Variants in ADAMTSL1 observed in about 807,000 individuals in gnomAD.
ADAMTSL1 encodes ADAMTS like 1, also known as ADAMTS-like protein 1.
Under a neutral mutation model 201.8 loss-of-function variants are expected in ADAMTSL1, and 126 were observed. The observed-to-expected ratio is 0.62, with a 90% CI of 0.54 to 0.72. The LOEUF (loss-of-function observed/expected upper bound fraction) is 0.72, where lower values mean the gene tolerates loss of function less well. ADAMTSL1 is among the 30% of genes least tolerant of loss of function. The probability of loss-of-function intolerance (pLI) is 0.00; values close to 1 mark genes in which losing one functional copy is unlikely to be tolerated. For missense variants in ADAMTSL1, 2,679 were observed against 2,277.8 expected (o/e 1.18, Z -3.59); for synonymous variants, 1,121 against 903.4 (o/e 1.24, Z -4.32).
chr9:18,062,456 G>C (rs2131703379), intron 1 of ADAMTSL1, among the ~76,000 whole-genome samples: 1 of 152,172 alleles, frequency 6.6e-6, no homozygotes, highest in East Asian at 1.9e-4. Flanking sequence ...ATGCATATGA[G>C]TGAAATTATA....
At chr9:18,121,447 T>C (rs1825493470) in intron 1 of ADAMTSL1, among the ~76,000 whole-genome samples, 1 of 152,200 alleles carries the variant, frequency 6.6e-6, no homozygotes. Context: ...AGGGGAAGCC[T>C]TGAAGTAAAG....
chr9:18,896,605 C>T (rs1829652717), intron 26 of ADAMTSL1, among the ~76,000 whole-genome samples: 1 of 152,206 alleles, frequency 6.6e-6, no homozygotes, highest in African/African-American at 2.4e-5. Flanking sequence ...GGGTAGGCCA[C>T]TGGCCCACCT....
At chr9:18,127,377 C>T (rs571362234) in intron 1 of ADAMTSL1, among the ~76,000 whole-genome samples, 4 of 151,932 alleles carry the variant, frequency 2.6e-5, no homozygotes, top group Non-Finnish European at 5.9e-5. Flanking sequence ...TGTGGGCATA[C>T]GTGAATGGAG....
chr9:18,533,145 A>C (rs1414797768), intron 2 of ADAMTSL1, 102 bp from the exon 3 acceptor site: 11 of 782,914 alleles, frequency 1.4e-5, no homozygotes, highest in Admixed American at 2.6e-5. Context: ...AAGAAAAGAG[A>C]GGCCCTTTTA....
chr9:18,706,812 T>C lies in ADAMTSL1; in HGVS notation c.1640T>C (p.Val547Ala). Residue 547 changes from valine to alanine, a missense_variant, in exon 14 of 29, where the codon GTC (valine) becomes GCC (alanine). Transcript: ENST00000380548. ...GGTGTGGGGACCCAGGTGCGAATAG[T>C]CAGGTGCCAGGTGCTCCTGTCTTTC... ...TCGVGTQVRI[V>A]RCQVLLSFSQ... is the part of the protein sequence containing the mutation. 2 of 1,610,330 alleles carry C rather than the reference T, an allele frequency of 1.2e-6. No individual in the cohort carries two copies. Among genetic ancestry groups the C allele is most frequent in the Non-Finnish European group, 1.7e-6 (2 of 1,178,204 alleles).
At chr9:18,032,935 C>T (rs749647324) in intron 1 of ADAMTSL1, among the ~76,000 whole-genome samples, 55 of 152,118 alleles carry the variant, frequency 3.6e-4, no homozygotes, top group Non-Finnish European at 5.3e-4. Context: ...GTGTCTGCAT[C>T]ACCTCTCTAT....
chr9:18,615,819 T>C lies in ADAMTSL1; in HGVS notation c.475-6424T>C, dbSNP rs530697367. 3.0e-4 allele frequency among the ~76,000 whole-genome samples: 46 copies of C among 152,292 alleles called. 1 individual carries two copies. In the South Asian group the frequency reaches 9.5e-3, roughly 32 times the overall value. On this transcript the variant is annotated intron_variant, in intron 4 of 28. Transcript: ENST00000380548. ...TGGATTCGGCTTCTAGAGCCCAGTGTCTTTACGAATCTGGAGCCACATAAA... is the reference window on the plus strand; with the variant it reads ...TGGATTCGGCTTCTAGAGCCCAGTGCCTTTACGAATCTGGAGCCACATAAA...
intron 1 of ADAMTSL1, among the ~76,000 whole-genome samples, chr9:17,996,729 T>G (rs1270438902): frequency 2.6e-5 from 4 of 152,076 alleles, no homozygotes; most frequent in Admixed American, 2.6e-4. Flanking sequence ...TTTATCCTTC[T>G]TCTAGATCTT....
At chr9:18,548,439 T>C (rs1469108528) in intron 3 of ADAMTSL1, among the ~76,000 whole-genome samples, 1 of 152,002 alleles carries the variant, frequency 6.6e-6, no homozygotes, top group Non-Finnish European at 1.5e-5. Context: ...ATGTGCCTTA[T>C]GGAGAAAATG....
At chr9:18,387,606 T>A (rs1033170725) in intron 2 of ADAMTSL1, among the ~76,000 whole-genome samples, 5 of 152,202 alleles carry the variant, frequency 3.3e-5, no homozygotes, top group Non-Finnish European at 7.3e-5. Flanking sequence ...TTGAGATTTA[T>A]CCTTATTTAC....
intron 23 of ADAMTSL1, among the ~76,000 whole-genome samples, chr9:18,830,450 T>G (rs1824903735): frequency 6.6e-6 from 1 of 152,170 alleles, no homozygotes; most frequent in African/African-American, 2.4e-5. Flanking sequence ...TAGACCAGCT[T>G]TCTGTAGATA....
chr9:18,069,072 G>A (rs183891280), intron 1 of ADAMTSL1, among the ~76,000 whole-genome samples: 9 of 152,208 alleles, frequency 5.9e-5, no homozygotes, highest in Admixed American at 2.0e-4. Context: ...CATTAGCTAA[G>A]TGTGTGTCTA....
chr9:18,200,170 A>C (rs149119634), intron 2 of ADAMTSL1, among the ~76,000 whole-genome samples: 1 of 152,094 alleles, frequency 6.6e-6, no homozygotes, highest in African/African-American at 2.4e-5. Context: ...ACAGTGGTTC[A>C]GACCTGTAAT....
chr9:18,776,683 G>A, intron 18 of ADAMTSL1, 98 bp from the exon 19 acceptor site: 1 of 1,312,752 alleles, frequency 7.6e-7, no homozygotes, highest in East Asian at 2.6e-5. Context: ...TCTCCACTCT[G>A]GCTCTTTCCT....
At chr9:18,023,625 T>G (rs1288962503) in intron 1 of ADAMTSL1, among the ~76,000 whole-genome samples, 1 of 152,130 alleles carries the variant, frequency 6.6e-6, no homozygotes, top group Non-Finnish European at 1.5e-5. Flanking sequence ...ATCTGTTGGG[T>G]GCGAATGGAG....
At chr9:18,907,408 G>C (rs1008011757) in intron 28 of ADAMTSL1, 1 of 156,422 alleles carries the variant, frequency 6.4e-6, no homozygotes. Flanking sequence ...CCCTGGAACT[G>C]TCCAGGACCC....
intron 2 of ADAMTSL1, among the ~76,000 whole-genome samples, chr9:18,173,595 G>A (rs1035274847): frequency 2.0e-5 from 3 of 151,992 alleles, no homozygotes; most frequent in Non-Finnish European, 4.4e-5. Context: ...CTAGGATTCT[G>A]CCATTTATTC....
intron 2 of ADAMTSL1, among the ~76,000 whole-genome samples, chr9:18,528,518 C>A (rs1323277359): frequency 6.6e-6 from 1 of 152,150 alleles, no homozygotes; most frequent in African/African-American, 2.4e-5. Flanking sequence ...CCATCCATGT[C>A]CCTGCAAGGG....
intron 15 of ADAMTSL1, among the ~76,000 whole-genome samples, chr9:18,722,137 G>A (rs1290571297): frequency 7.1e-6 from 1 of 140,580 alleles, no homozygotes; most frequent in African/African-American, 2.5e-5. Context: ...AGCATGCTCT[G>A]GGGGTGTGTG....
Sources: gnomAD v4.1 joint callset for allele counts (sites outside exome capture counted in the v4.1 genomes callset) on GRCh38, gnomAD v4.1.1 for gene constraint, MANE v1.5 for transcripts, NCBI Gene and HGNC (gene_info 2026-07-23, HGNC 2026-07-21) for gene names.